PRR5: variants seen among roughly 807,000 people sequenced by gnomAD.
PRR5 encodes proline-rich protein 5.
PRR5 carries 25 observed loss-of-function variants against 30.6 expected under a neutral mutation model. The observed-to-expected ratio is 0.82, with a 90% CI of 0.60 to 1.14. The LOEUF (loss-of-function observed/expected upper bound fraction) is 1.14, where lower values mean the gene tolerates loss of function less well. Ranked by LOEUF, PRR5 falls within the 50% of genes most tolerant of loss-of-function variation. The probability of loss-of-function intolerance (pLI) is 0.00; values close to 1 mark genes in which losing one functional copy is unlikely to be tolerated. For synonymous variants in PRR5, 286 were observed against 247.1 expected (o/e 1.16, Z -1.48); for missense variants, 600 against 547.1 (o/e 1.10, Z -0.96).
chr22:44,730,615 C>G (rs994898799), intron 4 of PRR5: 1 of 998,138 alleles, frequency 1.0e-6, no homozygotes, highest in South Asian at 4.3e-5. Flanking sequence ...TTCAGAGACT[C>G]ACCTGTCAAG....
upstream of PRR5, among the ~76,000 whole-genome samples, chr22:44,674,358 A>G (rs136915): frequency 0.57 from 87,190 of 151,696 alleles, 25,941 homozygotes; most frequent in African/African-American, 0.73. Flanking sequence ...TTTTGCAGCC[A>G]GGCACGGTGG....
Position 44,669,463 on chromosome 22 carries a change from G to C in PRR5, c.-11+658G>C, listed in dbSNP as rs186609101. On this transcript the variant is annotated intron_variant, in intron 1 of 8. Coordinates refer to the PRR5 transcript ENST00000432186. ...AGAGACTCCAGGGCTGGAGCGCTTA[G>C]TGGTCTGTAAGGTCAGAACCTGGGG... is the stretch of plus-strand genomic sequence containing the variant. Among the ~76,000 whole-genome samples, 5 of 152,334 alleles carry C rather than the reference G, an allele frequency of 3.3e-5. No individual in the cohort carries two copies. In the East Asian group the frequency reaches 7.7e-4, roughly 24 times the overall value.
At chr22:44,693,616 CTTTTTTTTTTT>C in intron 1 of PRR5, among the ~76,000 whole-genome samples, 1 of 90,572 alleles carries the variant, frequency 1.1e-5, no homozygotes, top group South Asian at 5.3e-4. Flanking sequence ...TTCACATGGA[CTTTTTTTTTTT>C]TTTTTTTTTT....
intron 6 of PRR5, among the ~76,000 whole-genome samples, chr22:44,733,234 C>T (rs540615240): frequency 1.3e-5 from 2 of 152,360 alleles, no homozygotes; most frequent in Admixed American, 1.3e-4. Context: ...TTTCTGCACA[C>T]GGCCCTTCCC....
intron 1 of PRR5, among the ~76,000 whole-genome samples, chr22:44,710,731 G>A (rs575395387): frequency 5.1e-4 from 78 of 152,278 alleles, no homozygotes; most frequent in South Asian, 1.0e-3. Context: ...GGGCCTCTGC[G>A]GGTGCCAGGC....
At chr22:44,687,722 C>T (rs919147702) in intron 1 of PRR5, among the ~76,000 whole-genome samples, 2 of 152,168 alleles carry the variant, frequency 1.3e-5, no homozygotes, top group African/African-American at 4.8e-5. Context: ...TCCGTCTCAA[C>T]ACCCTCTCTC....
At chr22:44,684,656 G>A (rs1041705314) in intron 1 of PRR5, among the ~76,000 whole-genome samples, 4 of 152,228 alleles carry the variant, frequency 2.6e-5, no homozygotes, top group African/African-American at 9.6e-5. Flanking sequence ...GCCTGGTGTT[G>A]CCCAGCTTGC....
intron 1 of PRR5, among the ~76,000 whole-genome samples, chr22:44,695,759 C>T (rs561696503): frequency 1.3e-4 from 19 of 151,596 alleles, no homozygotes; most frequent in Middle Eastern, 3.4e-3. Context: ...CCAACATGCC[C>T]AGCTAATTTT....
chr22:44,676,165 C>T (rs1391908702), upstream of PRR5, among the ~76,000 whole-genome samples: 1 of 151,938 alleles, frequency 6.6e-6, no homozygotes, highest in Non-Finnish European at 1.5e-5. Flanking sequence ...GGGCAGATCA[C>T]TTGGGCCCAG....
upstream of PRR5, among the ~76,000 whole-genome samples, chr22:44,700,529 CGTG>C (rs35204669): frequency 0.16 from 23,592 of 152,052 alleles, 2,160 homozygotes; most frequent in South Asian, 0.29. Context: ...AGGAGGCTAA[CGTG>C]GGAGGGTTGC....
intron 6 of PRR5, 124 bp from the exon 7 acceptor site, chr22:44,734,903 C>T (rs778486859): frequency 1.3e-4 from 169 of 1,342,522 alleles, no homozygotes; most frequent in Non-Finnish European, 1.6e-4. Flanking sequence ...GACAGAGAGC[C>T]TGTGGGAATG....
intron 1 of PRR5, among the ~76,000 whole-genome samples, chr22:44,682,862 G>A (rs9626523): frequency 0.09 from 13,690 of 152,226 alleles, 779 homozygotes; most frequent in East Asian, 0.27. Context: ...CCACTGTAGC[G>A]GGAGGTCTGG....
intron 1 of PRR5, among the ~76,000 whole-genome samples, chr22:44,710,294 C>G (rs888858569): frequency 3.3e-5 from 5 of 150,858 alleles, no homozygotes; most frequent in African/African-American, 4.9e-5. Flanking sequence ...CACCCCCCCC[C>G]CAGCGCTCAG....
chr22:44,729,420 C>T (rs960941983), intron 4 of PRR5: 1 of 985,306 alleles, frequency 1.0e-6, no homozygotes, highest in Non-Finnish European at 1.2e-6. Context: ...GCCAAGGCTA[C>T]TGCGGGGCCG....
chr22:44,711,958 T>G (rs1303781382), intron 1 of PRR5, among the ~76,000 whole-genome samples: 3 of 152,070 alleles, frequency 2.0e-5, no homozygotes, highest in African/African-American at 7.2e-5. Flanking sequence ...CTAGCAGACT[T>G]CCCTCGGGAT....
chr22:44,704,473 C>A (rs938273575), intron 1 of PRR5, among the ~76,000 whole-genome samples: 4 of 152,026 alleles, frequency 2.6e-5, no homozygotes, highest in African/African-American at 4.8e-5. Flanking sequence ...GCCTGAGCAA[C>A]CCCCGCCCCA....
intron 2 of PRR5, among the ~76,000 whole-genome samples, chr22:44,718,923 C>T (rs1217225307): frequency 6.6e-6 from 1 of 152,102 alleles, no homozygotes; most frequent in Non-Finnish European, 1.5e-5. Flanking sequence ...GTTTGTAAAT[C>T]TTTCCTCCCA....
intron 1 of PRR5, among the ~76,000 whole-genome samples, chr22:44,671,011 G>GACCT (rs2146920005): frequency 6.6e-6 from 1 of 152,280 alleles, no homozygotes; most frequent in East Asian, 1.9e-4. Context: ...CATTCATGAA[G>GACCT]ACCTTCCCCA....
chr22:44,726,343 G>A (rs558313159), intron 3 of PRR5, among the ~76,000 whole-genome samples: 16 of 152,210 alleles, frequency 1.1e-4, no homozygotes, highest in South Asian at 6.2e-4. Context: ...CCCACCTCTC[G>A]GGATGTCCGT....
Sources: gnomAD v4.1 joint callset for allele counts (sites outside exome capture counted in the v4.1 genomes callset) on GRCh38, gnomAD v4.1.1 for gene constraint, MANE v1.5 for transcripts, NCBI Gene and HGNC (gene_info 2026-07-23, HGNC 2026-07-21) for gene names.